Variants in GPC6 observed in about 807,000 individuals in gnomAD.
GPC6 encodes glypican-6.
GPC6 carries 14 observed loss-of-function variants against 55.2 expected under a neutral mutation model. That is an observed-to-expected ratio of 0.25 (90% CI 0.17 to 0.40). The LOEUF is 0.40. Among genes scored for constraint, GPC6 ranks in the 10% least tolerant of loss-of-function variants. GPC6 has a pLI of 1.00. For synonymous variants in GPC6, 278 were observed against 259.6 expected (o/e 1.07, Z -0.68); for missense variants, 641 against 708.5 (o/e 0.90, Z 1.08).
chr13:93,830,043 A>G (rs1027859061), intron 2 of GPC6, 111 bp from the exon 3 acceptor site: 1 of 705,580 alleles, frequency 1.4e-6, no homozygotes, highest in South Asian at 1.8e-5. Context: ...TAATCACAGG[A>G]TATGTTTTTC....
chr13:94,119,571 A>G (rs565132870), intron 4 of GPC6, among the ~76,000 whole-genome samples: 6 of 152,118 alleles, frequency 3.9e-5, no homozygotes, highest in Non-Finnish European at 7.4e-5. Context: ...CGTTTCTCCA[A>G]ATTACACAAC....
At chr13:94,375,500 AG>A (rs1421937045) in intron 6 of GPC6, among the ~76,000 whole-genome samples, 11 of 152,196 alleles carry the variant, frequency 7.2e-5, no homozygotes, top group Admixed American at 7.2e-4. Context: ...TAAACCAGGA[AG>A]AAATTGAATC....
At chr13:94,127,010 A>T (rs1295970777) in intron 4 of GPC6, among the ~76,000 whole-genome samples, 1 of 152,138 alleles carries the variant, frequency 6.6e-6, no homozygotes, top group Non-Finnish European at 1.5e-5. Context: ...ATTATCTCTT[A>T]AGAAAAATAT....
intron 3 of GPC6, among the ~76,000 whole-genome samples, chr13:93,841,032 G>C (rs1031725101): frequency 1.3e-5 from 2 of 152,128 alleles, no homozygotes; most frequent in African/African-American, 4.8e-5. Context: ...CAGGCACACT[G>C]TAATCACTTA....
In GPC6 at chr13:93,530,041, A is replaced by G. The variant is rs148053762; in HGVS notation, c.161-15222A>G. On this transcript the variant is annotated intron_variant, in intron 1 of 8. Coordinates refer to ENST00000377047, the MANE Select transcript of GPC6 (RefSeq NM_005708.5). ...CCTATGCTAAAGCAGTGAGCACTGC[A>G]AAAGTAAACAAGACACAGTTCGTAA... 2.6e-3 allele frequency among the ~76,000 whole-genome samples: 391 copies of G among 152,360 alleles called. 1 individual carries two copies. The highest frequency in any genetic ancestry group is 9.1e-3 in the African/African-American group (378 of 41,602).
At chr13:93,621,703 A>G (rs1447364354) in intron 2 of GPC6, among the ~76,000 whole-genome samples, 1 of 152,208 alleles carries the variant, frequency 6.6e-6, no homozygotes, top group Non-Finnish European at 1.5e-5. Context: ...AGATCTTGAC[A>G]AACTCTGAAA....
chr13:93,932,508 T>C (rs1878228187), intron 3 of GPC6, among the ~76,000 whole-genome samples: 1 of 152,212 alleles, frequency 6.6e-6, no homozygotes, highest in African/African-American at 2.4e-5. Flanking sequence ...TAGAAACAAA[T>C]GTCTGTTTCC....
chr13:94,046,599 A>G (rs1035370133), intron 4 of GPC6, among the ~76,000 whole-genome samples: 10 of 152,248 alleles, frequency 6.6e-5, no homozygotes, highest in East Asian at 1.9e-4. Flanking sequence ...ATTGACCAAT[A>G]TGACTGTCAG....
At chr13:94,338,560 A>T (rs1000446570) in intron 6 of GPC6, among the ~76,000 whole-genome samples, 18 of 152,332 alleles carry the variant, frequency 1.2e-4, no homozygotes, top group African/African-American at 4.3e-4. Context: ...CAAGTGCTCC[A>T]TCATGACAGC....
At chr13:94,293,241 C>G (rs1350787463) in intron 5 of GPC6, among the ~76,000 whole-genome samples, 1 of 152,148 alleles carries the variant, frequency 6.6e-6, no homozygotes, top group Non-Finnish European at 1.5e-5. Flanking sequence ...GTGTCCCCAC[C>G]CAAATGTCAT....
chr13:93,447,819 G>T (rs1435228061), intron 1 of GPC6, among the ~76,000 whole-genome samples: 1 of 152,108 alleles, frequency 6.6e-6, no homozygotes, highest in African/African-American at 2.4e-5. Flanking sequence ...GCTTTTCATT[G>T]TTTCAGTGAA....
intron 6 of GPC6, among the ~76,000 whole-genome samples, chr13:94,319,303 A>G (rs1289370952): frequency 6.6e-6 from 1 of 152,206 alleles, no homozygotes; most frequent in Non-Finnish European, 1.5e-5. Flanking sequence ...TTTAATTAAT[A>G]CATCAATACC....
intron 1 of GPC6, among the ~76,000 whole-genome samples, chr13:93,474,985 A>G (rs1879251366): frequency 6.6e-6 from 1 of 152,178 alleles, no homozygotes; most frequent in South Asian, 2.1e-4. Context: ...AGCCTCTAAA[A>G]AAATAAAATA....
chr13:94,255,747 G>A (rs1423021276), intron 4 of GPC6, among the ~76,000 whole-genome samples: 2 of 152,148 alleles, frequency 1.3e-5, no homozygotes, highest in African/African-American at 4.8e-5. Flanking sequence ...GGGCTCTACA[G>A]CCTCGGAAGA....
At chr13:93,662,499 C>G (rs1880964440) in intron 2 of GPC6, among the ~76,000 whole-genome samples, 1 of 151,922 alleles carries the variant, frequency 6.6e-6, no homozygotes, top group Non-Finnish European at 1.5e-5. Flanking sequence ...GGTGTGGTGG[C>G]AGGTGCCTTA....
intron 1 of GPC6, among the ~76,000 whole-genome samples, chr13:93,461,673 G>T (rs112720674): frequency 1.7e-3 from 26 of 15,408 alleles, no homozygotes; most frequent in Non-Finnish European, 1.3e-3. Context: ...CGGGGGGGTT[G>T]GGGGGGGGTG....
rs536089637 is a variant in GPC6, at chr13:93,876,783, A to G, written c.711+46238A>G. On this transcript the variant is annotated intron_variant, in intron 3 of 8. Coordinates refer to ENST00000377047, the MANE Select transcript of GPC6 (RefSeq NM_005708.5). The stretch of plus-strand genomic sequence containing the variant: ...TAAGAGATTTTTAAAAGTGAAATCT[A>G]GCAACCATTTTGCTCTTACATTAAA... 2.6e-3 allele frequency among the ~76,000 whole-genome samples: 396 copies of G among 152,200 alleles called. 2 individuals are homozygous for G. The highest frequency in any genetic ancestry group is 4.3e-3 in the Non-Finnish European group (294 of 67,962).
intron 1 of GPC6, among the ~76,000 whole-genome samples, chr13:93,318,534 A>G (rs901752833): frequency 1.3e-5 from 2 of 152,130 alleles, no homozygotes; most frequent in Non-Finnish European, 2.9e-5. Context: ...AGGCTAAAAT[A>G]AAGGGGAAAA....
At chr13:93,563,760 A>G (rs929851993) in intron 2 of GPC6, among the ~76,000 whole-genome samples, 4 of 132,338 alleles carry the variant, frequency 3.0e-5, no homozygotes, top group African/African-American at 9.4e-5. Context: ...AGAATGAAAG[A>G]AAAAAAAAAA....
Sources: allele counts gnomAD v4.1 joint callset (sites outside exome capture counted in the v4.1 genomes callset), GRCh38; gene constraint gnomAD v4.1.1; transcripts MANE v1.5; gene names NCBI Gene and HGNC (gene_info 2026-07-23, HGNC 2026-07-21).